GRIK4: variants seen among roughly 807,000 people sequenced by gnomAD.
GRIK4 encodes the protein glutamate receptor ionotropic, kainate 4.
GRIK4 carries 40 observed loss-of-function variants against 104.9 expected under a neutral mutation model. The observed-to-expected ratio is 0.38, with a 90% CI of 0.30 to 0.50. GRIK4 has a LOEUF of 0.50. Ranked by LOEUF, GRIK4 falls within the 20% of genes least tolerant of loss-of-function variation. The pLI, the probability that GRIK4 is intolerant of heterozygous loss-of-function variation, is 0.93. For synonymous variants in GRIK4, 485 were observed against 524.9 expected (o/e 0.92, Z 1.04); for missense variants, 1,047 against 1,308.1 (o/e 0.80, Z 3.08).
intron 11 of GRIK4, among the ~76,000 whole-genome samples, chr11:120,897,914 C>T (rs1942630734): frequency 6.6e-6 from 1 of 152,012 alleles, no homozygotes; most frequent in Non-Finnish European, 1.5e-5. Flanking sequence ...CTGGCACATA[C>T]ATGAGAAGCT....
intron 8 of GRIK4, among the ~76,000 whole-genome samples, chr11:120,838,859 A>G (rs888288600): frequency 6.6e-6 from 1 of 151,900 alleles, no homozygotes; most frequent in Non-Finnish European, 1.5e-5. Context: ...ATCTTGATTC[A>G]CCTTCCAACC....
At chr11:120,895,248 G>T (rs182601626) in intron 11 of GRIK4, among the ~76,000 whole-genome samples, 104 of 152,244 alleles carry the variant, frequency 6.8e-4, no homozygotes, top group African/African-American at 2.4e-3. Flanking sequence ...AGTGGGTAGC[G>T]GGGAGCTGAG....
chr11:120,862,194 G>C, intron 9 of GRIK4, 74 bp downstream of exon 9: 1 of 1,288,172 alleles, frequency 7.8e-7, no homozygotes, highest in Non-Finnish European at 1.1e-6. Context: ...CAACCCCTGG[G>C]CAACACATCT....
Position 120,861,961 on chromosome 11 carries a change from G to T in GRIK4, c.747G>T (p.Glu249Asp), listed in dbSNP as rs1954277149. Residue 249 changes from glutamate (E) to aspartate (D), a missense_variant and splice_region_variant, in exon 9 of 21, where the codon GAG becomes GAT. Glu to Asp is a conservative substitution (Grantham distance 45, BLOSUM62 2). Transcript: ENST00000527524. ...AYYTYIFTNL[E>D]FSLQRMDSLV... The stretch of plus-strand genomic sequence containing the variant: ...TTTCTGATGCTGGGTCTTTCCAGGA[G>T]TTCTCACTCCAGAGAATGGACAGCC... 1 of 1,612,522 alleles carries T rather than the reference G, an allele frequency of 6.2e-7. No homozygotes were observed. Among genetic ancestry groups the T allele is most frequent in the Admixed American group, 1.7e-5 (1 of 60,002 alleles).
intron 3 of GRIK4, among the ~76,000 whole-genome samples, chr11:120,785,707 C>A (rs893518205): frequency 2.6e-5 from 4 of 152,182 alleles, no homozygotes; most frequent in African/African-American, 4.8e-5. Context: ...AGACTCAGCT[C>A]CTGCACTTGG....
chr11:120,927,288 C>T (rs981054889), intron 13 of GRIK4, among the ~76,000 whole-genome samples: 4 of 152,060 alleles, frequency 2.6e-5, no homozygotes, highest in Admixed American at 6.5e-5. Context: ...AAGAATTGGC[C>T]GGGCACAGTG....
intron 8 of GRIK4, among the ~76,000 whole-genome samples, chr11:120,860,704 C>A (rs147063381): frequency 2.4e-3 from 359 of 152,304 alleles, no homozygotes; most frequent in African/African-American, 8.2e-3. Flanking sequence ...CCATGTCTGG[C>A]ACATGATAAA....
intron 1 of GRIK4, among the ~76,000 whole-genome samples, chr11:120,523,926 CTT>C (rs35679853): frequency 0.1 from 14,850 of 141,546 alleles, 921 homozygotes; most frequent in African/African-American, 0.18. Context: ...CTTCTGCATT[CTT>C]TTTTTTTTTT....
Position 120,876,424 on chromosome 11 carries a change from T to C in GRIK4, c.1164+1181T>C, listed in dbSNP as rs1043157648. Among the ~76,000 whole-genome samples the C allele has an allele frequency of 1.9e-3, 253 of 135,284 alleles. 2 individuals are homozygous for C. Among genetic ancestry groups the C allele is most frequent in the African/African-American group, 7.0e-3 (245 of 34,888 alleles). The allele number at this position is 135,284 out of a possible 152,430, so 88.8% of individuals were successfully genotyped here. ...ATCACAACCACCATTGTCATCATTATCACCACCACTGTCATCACCACCACC... is the reference window on the plus strand; with the variant it reads ...ATCACAACCACCATTGTCATCATTACCACCACCACTGTCATCACCACCACC... On this transcript the variant is annotated intron_variant, in intron 11 of 20. Transcript: ENST00000527524.
At chr11:120,568,686 C>T (rs1257069517) in intron 1 of GRIK4, among the ~76,000 whole-genome samples, 1 of 152,200 alleles carries the variant, frequency 6.6e-6, no homozygotes, top group African/African-American at 2.4e-5. Flanking sequence ...CCATGCCAGG[C>T]CTCCAGTTAC....
rs12226033 is a variant in GRIK4 at position 120,536,754 on chromosome 11, T to C, written c.-159+24867T>C. ...TACCGGATGAGTGGGGAGTGATCAA[T>C]AGGAAGAACAATGGACCCACACCAA... On this transcript the variant is annotated intron_variant, in intron 1 of 20. Transcript: ENST00000527524. Among the ~76,000 whole-genome samples the C allele has an allele frequency of 2.4e-4, 36 of 152,090 alleles. No homozygotes were observed. The East Asian group carries it at 6.6e-3, about 28-fold the overall frequency.
chr11:120,539,412 G>A lies in GRIK4; in HGVS notation c.-159+27525G>A, dbSNP rs548835383. On this transcript the variant is annotated intron_variant, in intron 1 of 20. Transcript: ENST00000527524. ...TCCACTTCGTAATAGGTCACAAAAG[G>A]AACCACTTGTGCGAACATGATCTTA... 2.0e-5 allele frequency among the ~76,000 whole-genome samples: 3 copies of A among 152,252 alleles called. No individual in the cohort carries two copies. In the South Asian group the frequency reaches 6.2e-4, roughly 32 times the overall value.
chr11:120,559,634 G>A (rs1021551992), intron 1 of GRIK4, among the ~76,000 whole-genome samples: 3 of 152,132 alleles, frequency 2.0e-5, no homozygotes, highest in African/African-American at 4.8e-5. Flanking sequence ...ATTACTCAGG[G>A]TCATTATTAT....
intron 3 of GRIK4, among the ~76,000 whole-genome samples, chr11:120,798,398 G>A (rs1416023097): frequency 1.3e-5 from 2 of 151,906 alleles, no homozygotes; most frequent in African/African-American, 4.8e-5. Context: ...ACCTCACGCA[G>A]GTAATCCACC....
chr11:120,982,778 A>G (rs996960120), intron 20 of GRIK4, among the ~76,000 whole-genome samples: 1 of 152,186 alleles, frequency 6.6e-6, no homozygotes, highest in Non-Finnish European at 1.5e-5. Flanking sequence ...CCTCTATCTC[A>G]GTCTCCCAAC....
At chr11:120,746,739 A>G (rs918426703) in intron 3 of GRIK4, among the ~76,000 whole-genome samples, 8 of 152,210 alleles carry the variant, frequency 5.3e-5, no homozygotes, top group Non-Finnish European at 7.3e-5. Flanking sequence ...TCTCTCTGTC[A>G]TCATCAGGAA....
At chr11:120,563,032 G>A (rs943871167) in intron 1 of GRIK4, among the ~76,000 whole-genome samples, 1 of 152,216 alleles carries the variant, frequency 6.6e-6, no homozygotes, top group Admixed American at 6.5e-5. Flanking sequence ...ATGCAGGCTG[G>A]CACCCAGCTT....
chr11:120,904,556 TC>T (rs1266432845), intron 12 of GRIK4, among the ~76,000 whole-genome samples: 8 of 152,150 alleles, frequency 5.3e-5, no homozygotes, highest in Non-Finnish European at 1.0e-4. Flanking sequence ...GCTTGATGCT[TC>T]CCCCCTATAC....
chr11:120,664,413 G>A (rs1411309197), intron 3 of GRIK4, among the ~76,000 whole-genome samples: 3 of 152,184 alleles, frequency 2.0e-5, no homozygotes, highest in African/African-American at 4.8e-5. Flanking sequence ...AGGATGCAGT[G>A]CTACCAATAA....
Sources: allele counts gnomAD v4.1 joint callset (sites outside exome capture counted in the v4.1 genomes callset), GRCh38; gene constraint gnomAD v4.1.1; transcripts MANE v1.5; gene names NCBI Gene and HGNC (gene_info 2026-07-23, HGNC 2026-07-21).